COL6A3: variants seen among roughly 807,000 people sequenced by gnomAD.
The protein encoded by COL6A3 is collagen type VI alpha 3 chain.
Under a neutral mutation model 274.1 loss-of-function variants are expected in COL6A3, and 137 were observed. That is an observed-to-expected ratio of 0.50 (90% CI 0.44 to 0.58). The LOEUF (loss-of-function observed/expected upper bound fraction) is 0.58, where lower values mean the gene tolerates loss of function less well. Among genes scored for constraint, COL6A3 ranks in the 20% least tolerant of loss-of-function variants. The probability of loss-of-function intolerance (pLI) is 0.00; values close to 1 mark genes in which losing one functional copy is unlikely to be tolerated. For synonymous variants in COL6A3, 1,650 were observed against 1,650.6 expected (o/e 1.00, Z 0.01); for missense variants, 3,950 against 4,124.9 (o/e 0.96, Z 1.16).
Position 237,368,830 on chromosome 2 carries a change from C to G in COL6A3, c.4633G>C (p.Val1545Leu). 1 of 1,614,186 alleles carries G rather than the reference C, an allele frequency of 6.2e-7. No homozygotes were observed. The highest frequency in any genetic ancestry group is 8.5e-7 in the Non-Finnish European group (1 of 1,180,038). The change falls in exon 10 of 44, where the codon GTC (valine) becomes CTC (leucine). Residue 1545 changes from valine (V) to leucine (L), a missense_variant. By Grantham distance (32) the Val-to-Leu change is conservative. Coordinates refer to ENST00000295550, the MANE Select transcript of COL6A3 (RefSeq NM_004369.4). This position sits in a 1 kb window ranked among gnomAD's most constrained non-coding sequence, Gnocchi z 4.4. ...TGGGATTTTCCACCCAGGACCAGGA[C>G]CAGGTGTTGGGGCACCCCGTCTTCT... ...RIEDGVPQHL[V>L]LVLGGKSQDD...
intron 2 of COL6A3, 30 bp downstream of exon 2, chr2:237,396,697 T>A: frequency 6.2e-7 from 1 of 1,605,780 alleles, no homozygotes; most frequent in East Asian, 2.2e-5. Flanking sequence ...TATTCCTTTT[T>A]ACAAAATCAA....
chr2:237,349,325 G>A (rs1017492863), intron 28 of COL6A3, among the ~76,000 whole-genome samples: 1 of 152,216 alleles, frequency 6.6e-6, no homozygotes, highest in Admixed American at 6.5e-5. Context: ...GTTTTCAACA[G>A]ATATCAACAA....
At chr2:237,412,182 T>A (rs909488067) in intron 1 of COL6A3, among the ~76,000 whole-genome samples, 2 of 152,160 alleles carry the variant, frequency 1.3e-5, no homozygotes, top group African/African-American at 4.8e-5. Flanking sequence ...CAGGCTTTCA[T>A]CCTCAGCTAC....
chr2:237,338,675 T>C (rs1052881946), intron 39 of COL6A3, among the ~76,000 whole-genome samples: 5 of 152,104 alleles, frequency 3.3e-5, no homozygotes, highest in African/African-American at 1.2e-4. Context: ...GGCTGAAGCA[T>C]GAGAATTGCT....
rs776983763 is a variant in COL6A3, at chr2:237,372,081, C to G, written c.3936G>C (p.Val1312=). 2.0e-5 allele frequency: 33 copies of G among 1,613,906 alleles called. No individual in the cohort carries two copies. In the Admixed American group the frequency reaches 4.0e-4, roughly 20 times the overall value. ...LRPKGGRQIN[V]GNALEYVSRN... is the part of the protein sequence containing the mutation. ...TGGACACGTACTCCAGGGCATTGCCCACGTTGATCTGCCGCCCTCCCTTGG... is the reference window on the plus strand; with the variant it reads ...TGGACACGTACTCCAGGGCATTGCCGACGTTGATCTGCCGCCCTCCCTTGG... The change falls in exon 9 of 44, where the codon GTG becomes GTC. Residue 1312 remains valine, a synonymous_variant. Coordinates refer to ENST00000295550, the MANE Select transcript of COL6A3 (RefSeq NM_004369.4).
chr2:237,363,009 A>G (rs1559230840), intron 14 of COL6A3, among the ~76,000 whole-genome samples: 1 of 152,076 alleles, frequency 6.6e-6, no homozygotes, highest in African/African-American at 2.4e-5. Flanking sequence ...TAAGGCCACA[A>G]CCTCAGCGCG....
At position 237,363,277 on chromosome 2, in the gene COL6A3, C is replaced by T. The variant is rs748005373; in HGVS notation, c.6039G>A (p.Leu2013=). 1.7e-5 allele frequency: 27 copies of T among 1,613,872 alleles called. No individual in the cohort carries two copies. The highest frequency in any genetic ancestry group is 1.3e-4 in the Admixed American group (8 of 59,978). The change falls in exon 14 of 44, where the codon TTG becomes TTA. Residue 2013 remains leucine (L), a synonymous_variant. Transcript: ENST00000295550. The part of the protein sequence containing the change: ...DRPLRLNLLD[L]DYELAEQLDN... ...CAAGCTGCTCCGCTAGTTCATAATC[C>T]AAGTCCAGCAAGTTAAGCCTCAGGG...
At chr2:237,352,787 T>A (rs1186461121) in intron 25 of COL6A3, among the ~76,000 whole-genome samples, 1 of 152,206 alleles carries the variant, frequency 6.6e-6, no homozygotes, top group Non-Finnish European at 1.5e-5. Context: ...GCTTAAAATG[T>A]ATACAAGCAA....
At chr2:237,366,300 T>C (rs774356884) in intron 11 of COL6A3, among the ~76,000 whole-genome samples, 1 of 152,230 alleles carries the variant, frequency 6.6e-6, no homozygotes, top group Non-Finnish European at 1.5e-5. Flanking sequence ...GGTGTGATGA[T>C]ACACCACTGG....
Position 237,359,030 on chromosome 2 carries a change from C to G in COL6A3, c.6408+5G>C, listed in dbSNP as rs1486942363. On this transcript the variant is annotated splice_donor_5th_base_variant and intron_variant, in intron 20 of 43. Coordinates refer to ENST00000295550, the MANE Select transcript of COL6A3 (RefSeq NM_004369.4). ...ATAATAGCACCACCGTGGAAATACA[C>G]CTACCCTTCTTCCAGGATTCCCTTT... 1.9e-6 allele frequency: 3 copies of G among 1,613,580 alleles called. No homozygotes were observed. The highest frequency in any genetic ancestry group is 2.5e-6 in the Non-Finnish European group (3 of 1,179,502).
intron 3 of COL6A3, 95 bp downstream of exon 3, chr2:237,394,492 C>T: frequency 7.2e-6 from 11 of 1,530,346 alleles, no homozygotes; most frequent in Non-Finnish European, 9.9e-6. Context: ...CCCTGGCCCA[C>T]CCGCCATCCT....
At position 237,374,250 on chromosome 2, in the gene COL6A3, C is replaced by T. The variant is rs897389636; in HGVS notation, c.3679+162G>A. Among the ~76,000 whole-genome samples, 12 of 152,172 alleles carry T rather than the reference C, an allele frequency of 7.9e-5. No homozygotes were observed. Among genetic ancestry groups the T allele is most frequent in the Non-Finnish European group, 1.5e-4 (10 of 68,036 alleles). On this transcript the variant is annotated intron_variant, in intron 8 of 43. Transcript: ENST00000295550. This position sits in a 1 kb window ranked among gnomAD's most constrained non-coding sequence, Gnocchi z 4.8. ...TTGAACCTCTGCCATTTCTGCCCATCGAGGCCAAAAAGGGCATGTGGGTTC... is the reference window on the plus strand; with the variant it reads ...TTGAACCTCTGCCATTTCTGCCCATTGAGGCCAAAAAGGGCATGTGGGTTC...
chr2:237,356,752 CT>C, intron 23 of COL6A3: 1 of 162,710 alleles, frequency 6.1e-6, no homozygotes, highest in Non-Finnish European at 1.3e-5. Context: ...ACCTTGGAAG[CT>C]TTTGGTTGGC....
rs199936838 is a variant in COL6A3, at chr2:237,336,235, G to C, written c.8865C>G (p.Pro2955=). 1 of 1,613,540 alleles carries C rather than the reference G, an allele frequency of 6.2e-7. No homozygotes were observed. Among genetic ancestry groups the C allele is most frequent in the African/African-American group, 1.3e-5 (1 of 74,938 alleles). Reference sequence around the variant, plus strand: ...CCACTGGTTTTGCAGCAGCAGCAGCGGGGGGTCTTACAGCTGCTGGCTTTG... The same window carrying C: ...CCACTGGTTTTGCAGCAGCAGCAGCCGGGGGTCTTACAGCTGCTGGCTTTG... The part of the protein sequence containing the change: ...VAAKPAAVRP[P]AAAAAKPVAT... The change falls in exon 40 of 44, where the codon CCC becomes CCG. Residue 2955 remains proline (P), a synonymous_variant. Coordinates refer to ENST00000295550, the MANE Select transcript of COL6A3 (RefSeq NM_004369.4).
At chr2:237,378,192 A>G (rs1030471256) in intron 6 of COL6A3, among the ~76,000 whole-genome samples, 3 of 152,236 alleles carry the variant, frequency 2.0e-5, no homozygotes, top group Non-Finnish European at 2.9e-5. Flanking sequence ...TGTTTGTTTT[A>G]TAACAAATAA....
intron 1 of COL6A3, among the ~76,000 whole-genome samples, chr2:237,411,591 C>T (rs2078858275): frequency 6.6e-6 from 1 of 152,302 alleles, no homozygotes; most frequent in African/African-American, 2.4e-5. Flanking sequence ...AATCAACAAT[C>T]GACTGAAGAG....
rs140330124 is a variant in COL6A3 at position 237,372,095 on chromosome 2, G to A, written c.3922C>T (p.Arg1308Trp). 35 of 1,613,980 alleles carry A rather than the reference G, an allele frequency of 2.2e-5. No individual in the cohort carries two copies. The highest frequency in any genetic ancestry group is 1.3e-4 in the Admixed American group (8 of 60,024). ...AGGGCATTGCCCACGTTGATCTGCC[G>A]CCCTCCCTTGGGCCTCAGCCGCTGC... ...AVQRLRPKGG[R>W]QINVGNALEY... The change falls in exon 9 of 44, where the codon CGG becomes TGG. Residue 1308 changes from arginine (R) to tryptophan (W), a missense_variant. By Grantham distance (101) the Arg-to-Trp change is moderately radical. Around this residue, in one of 5 missense-constraint regions of COL6A3, gnomAD observed 1,934 missense variants for 1,984.3 expected, o/e 0.97. Transcript: ENST00000295550.
At position 237,413,664 on chromosome 2, in the gene COL6A3, A is replaced by G. The variant is rs983165632; in HGVS notation, c.-31+289T>C. On this transcript the variant is annotated intron_variant, in intron 1 of 43. Transcript: ENST00000295550. The surrounding 1 kb of genome is among the most constrained non-coding windows in gnomAD (Gnocchi z 4.0). ...ACTTAAATAAATCATGGGCCGAAACACACTGCCGCCCGGAATGCACAGGGC... is the reference window on the plus strand; with the variant it reads ...ACTTAAATAAATCATGGGCCGAAACGCACTGCCGCCCGGAATGCACAGGGC... Among the ~76,000 whole-genome samples, 9 of 152,194 alleles carry G rather than the reference A, an allele frequency of 5.9e-5. No individual in the cohort carries two copies. Among genetic ancestry groups the G allele is most frequent in the Non-Finnish European group, 1.2e-4 (8 of 68,034 alleles).
At chr2:237,372,426 C>T in intron 8 of COL6A3, 89 bp from the exon 9 acceptor site, 1 of 1,598,388 alleles carries the variant, frequency 6.3e-7, no homozygotes, top group Non-Finnish European at 8.5e-7. Context: ...CATGGATTCA[C>T]AGGCAGGGGA....
Sources: gnomAD v4.1 joint callset for allele counts (sites outside exome capture counted in the v4.1 genomes callset) on GRCh38, gnomAD v4.1.1 for gene constraint, gnomAD v4.1.1 regional missense constraint, Gnocchi (gnomAD v3.1) non-coding constraint, MANE v1.5 for transcripts, NCBI Gene and HGNC (gene_info 2026-07-23, HGNC 2026-07-21) for gene names.